The following MPPED1 variants were observed in gnomAD, a reference collection of about 807,000 sequenced individuals.
MPPED1 encodes the protein metallophosphoesterase domain containing 1, also known as metallophosphoesterase domain-containing protein 1.
MPPED1 carries 16 observed loss-of-function variants against 36.2 expected under a neutral mutation model. That is an observed-to-expected ratio of 0.44 (90% CI 0.30 to 0.67). The LOEUF (loss-of-function observed/expected upper bound fraction) is 0.67, where lower values mean the gene tolerates loss of function less well. Among genes scored for constraint, MPPED1 ranks in the 30% least tolerant of loss-of-function variants. The pLI, the probability that MPPED1 is intolerant of heterozygous loss-of-function variation, is 0.10. For synonymous variants in MPPED1, 199 were observed against 191.3 expected (o/e 1.04, Z -0.33); for missense variants, 307 against 453.4 (o/e 0.68, Z 2.93).
chr22:43,466,594 G>A (rs777855186), intron 3 of MPPED1, among the ~76,000 whole-genome samples: 8 of 152,102 alleles, frequency 5.3e-5, no homozygotes, highest in Non-Finnish European at 7.4e-5. Context: ...GAGCCAGGGG[G>A]ATTGTCTCTC....
chr22:43,480,340 T>C (rs1465033133), intron 4 of MPPED1, among the ~76,000 whole-genome samples: 2 of 152,200 alleles, frequency 1.3e-5, no homozygotes, highest in Non-Finnish European at 2.9e-5. Flanking sequence ...CCAGACCCCC[T>C]GCTCAGTGCT....
chr22:43,505,067 GTGA>G (rs1051389863), intron 6 of MPPED1, among the ~76,000 whole-genome samples: 1 of 152,018 alleles, frequency 6.6e-6, no homozygotes, highest in Non-Finnish European at 1.5e-5. Context: ...GATCATGATA[GTGA>G]TGATGATGAC....
intron 3 of MPPED1, among the ~76,000 whole-genome samples, chr22:43,440,228 G>T (rs1223748134): frequency 6.6e-6 from 1 of 152,232 alleles, no homozygotes; most frequent in Non-Finnish European, 1.5e-5. Context: ...TTCAAGGAGG[G>T]CAGCGCTGTG....
intron 4 of MPPED1, among the ~76,000 whole-genome samples, chr22:43,479,620 C>T (rs528176829): frequency 5.9e-5 from 9 of 152,318 alleles, no homozygotes; most frequent in African/African-American, 1.4e-4. Context: ...GCCCTTCCAG[C>T]CCCTTCCCCT....
intron 4 of MPPED1, among the ~76,000 whole-genome samples, chr22:43,495,572 ATGGTGGAGG>A (rs1932274833): frequency 1.0e-4 from 1 of 9,594 alleles, no homozygotes; most frequent in Admixed American, 1.3e-3. Flanking sequence ...GGTGGAGGTG[ATGGTGGAGG>A]TGGTGGTGGT....
intron 3 of MPPED1, among the ~76,000 whole-genome samples, chr22:43,463,509 C>A (rs1416285808): frequency 6.6e-6 from 1 of 151,898 alleles, no homozygotes; most frequent in African/African-American, 2.4e-5. Context: ...ATTTTTAAAT[C>A]TTTTCTCACC....
chr22:43,420,550 G>A lies in MPPED1; in HGVS notation c.-78-4358G>A, dbSNP rs535374516. On this transcript the variant is annotated intron_variant, in intron 1 of 6. Transcript: ENST00000443721. ...CTCCCGAGTAGCTGGGATTACAGGC[G>A]CCCACCACCACGCCTGGCTGTTTGT... Among the ~76,000 whole-genome samples the A allele has an allele frequency of 5.2e-4, 79 of 152,068 alleles. 1 individual carries two copies. The highest frequency in any genetic ancestry group is 1.2e-3 in the Admixed American group (19 of 15,282).
intron 3 of MPPED1, among the ~76,000 whole-genome samples, chr22:43,467,914 T>C (rs2146876864): frequency 6.6e-6 from 1 of 152,326 alleles, no homozygotes; most frequent in East Asian, 1.9e-4. Flanking sequence ...GGCAGCACTT[T>C]CTGTTAAATG....
intron 5 of MPPED1, among the ~76,000 whole-genome samples, chr22:43,500,113 TGAAGGTGGTGATGGAGGTGGTAATGGA>T (rs1569091549): frequency 9.0e-4 from 92 of 102,554 alleles, no homozygotes; most frequent in Non-Finnish European, 1.4e-3. Flanking sequence ...GTGGGGGTGA[TGAAGGTGGTGATGGAGGTGGTAATGGA>T]GGTGGTGGGG....
chr22:43,442,336 C>T (rs1930178143), intron 3 of MPPED1, among the ~76,000 whole-genome samples: 1 of 152,030 alleles, frequency 6.6e-6, no homozygotes. Flanking sequence ...CTCCCTCCTT[C>T]TCTCCCATGC....
At chr22:43,494,114 G>A (rs1179819811) in intron 4 of MPPED1, among the ~76,000 whole-genome samples, 1 of 152,048 alleles carries the variant, frequency 6.6e-6, no homozygotes, top group Non-Finnish European at 1.5e-5. Context: ...GTTCACTGCA[G>A]CCTTGACCTC....
At chr22:43,443,401 G>A (rs1158303421) in intron 3 of MPPED1, among the ~76,000 whole-genome samples, 3 of 152,206 alleles carry the variant, frequency 2.0e-5, no homozygotes, top group Admixed American at 1.3e-4. Flanking sequence ...CAGGGTACCA[G>A]GAGAGGCTGG....
At chr22:43,499,597 AGGT>A (rs1271682768) in intron 5 of MPPED1, among the ~76,000 whole-genome samples, 4 of 16,076 alleles carry the variant, frequency 2.5e-4, no homozygotes, top group Admixed American at 9.2e-4. Context: ...GTGGTAGTGG[AGGT>A]GGTGGTGGTG....
intron 3 of MPPED1, among the ~76,000 whole-genome samples, chr22:43,437,250 T>C (rs1208976034): frequency 6.6e-6 from 1 of 152,196 alleles, no homozygotes; most frequent in Non-Finnish European, 1.5e-5. Context: ...GTGCACCTAT[T>C]TGGTGCGTTT....
chr22:43,462,573 G>A (rs562006351), intron 3 of MPPED1, among the ~76,000 whole-genome samples: 2 of 152,282 alleles, frequency 1.3e-5, no homozygotes, highest in African/African-American at 4.8e-5. Context: ...TTCATTATGT[G>A]ACATTATTTT....
chr22:43,488,104 G>A (rs1024406870), intron 4 of MPPED1, among the ~76,000 whole-genome samples: 2 of 152,160 alleles, frequency 1.3e-5, no homozygotes, highest in Admixed American at 1.3e-4. Context: ...GGGGTGTGAG[G>A]ATTGAGTCTG....
At chr22:43,505,296 T>C (rs116728247) in intron 6 of MPPED1, among the ~76,000 whole-genome samples, 2,710 of 152,176 alleles carry the variant, frequency 0.018, 84 homozygotes, top group African/African-American at 0.062. Flanking sequence ...AATTATCTCA[T>C]ATAATCCTCA....
chr22:43,422,122 C>A (rs557735320), intron 1 of MPPED1, among the ~76,000 whole-genome samples: 6 of 152,282 alleles, frequency 3.9e-5, no homozygotes, highest in Admixed American at 3.3e-4. Context: ...TCCGAGGAGA[C>A]CCCGGCATTG....
chr22:43,471,472 C>A (rs1931374946), intron 3 of MPPED1, among the ~76,000 whole-genome samples: 1 of 152,158 alleles, frequency 6.6e-6, no homozygotes, highest in Non-Finnish European at 1.5e-5. Context: ...AGCCGTGGGG[C>A]CTGGGTGGGT....
Sources: gnomAD v4.1 joint callset for allele counts (sites outside exome capture counted in the v4.1 genomes callset) on GRCh38, gnomAD v4.1.1 for gene constraint, MANE v1.5 for transcripts, NCBI Gene and HGNC (gene_info 2026-07-23, HGNC 2026-07-21) for gene names.